PCDHA1: variants seen among roughly 807,000 people sequenced by gnomAD.
PCDHA1 encodes the protein protocadherin alpha-1.
In PCDHA1, 42 loss-of-function variants were observed where a neutral mutation model predicts 61.3. That is an observed-to-expected ratio of 0.69 (90% CI 0.54 to 0.89). The LOEUF is 0.89. PCDHA1 is among the 40% of genes least tolerant of loss of function. The pLI is 0.00. For missense variants in PCDHA1, 1,256 were observed against 1,235.3 expected (o/e 1.02, Z -0.25); for synonymous variants, 610 against 553.8 (o/e 1.10, Z -1.43).
chr5:140,824,296 G>C, intron 1 of PCDHA1: 1 of 897,790 alleles, frequency 1.1e-6, no homozygotes. Flanking sequence ...AGGCTTTTCT[G>C]CTGGGGTAAT....
In PCDHA1 at chr5:140,796,726, G is replaced by C. The variant is rs781873607; in HGVS notation, c.2394+8042G>C. On this transcript the variant is annotated intron_variant, in intron 1 of 3. Transcript: ENST00000504120. ...GCTGGTGCCGTGGTCGGTGGGTGCA[G>C]GGCACGTGGTGGCGAAGGTGCGCGC... The C allele has an allele frequency of 1.9e-6, 3 of 1,614,100 alleles. No individual in the cohort carries two copies. The South Asian group carries it at 3.3e-5, about 18-fold the overall frequency.
intron 1 of PCDHA1, chr5:140,830,029 G>A (rs2150179968): frequency 1.2e-6 from 2 of 1,613,910 alleles, no homozygotes; most frequent in Middle Eastern, 1.7e-4. Flanking sequence ...CGCGCCACCG[G>A]CTGCTGGTGC....
At chr5:140,824,083 G>GC (rs1767992835) in intron 1 of PCDHA1, 3 of 1,614,188 alleles carry the variant, frequency 1.9e-6, no homozygotes, top group Non-Finnish European at 2.5e-6. Flanking sequence ...AGACCTCATG[G>GC]CCTTCAGTCC....
chr5:140,902,786 C>G (rs1450809375), intron 1 of PCDHA1, among the ~76,000 whole-genome samples: 1 of 151,906 alleles, frequency 6.6e-6, no homozygotes, highest in Non-Finnish European at 1.5e-5. Flanking sequence ...TAGCTTAGCT[C>G]TCACTTGTAT....
intron 1 of PCDHA1, chr5:140,795,103 C>G: frequency 3.1e-6 from 5 of 1,614,036 alleles, no homozygotes; most frequent in Non-Finnish European, 4.2e-6. Flanking sequence ...CTTCGTGGGC[C>G]GCATCGCGCA....
rs1402531454 is a variant in PCDHA1 at position 141,011,521 on chromosome 5, TA to T, written c.*1586del. 1 of 153,804 alleles carries T rather than the reference TA, an allele frequency of 6.5e-6. No individual in the cohort carries two copies. The allele number at this position is 153,804 out of a possible 1,614,324, so 9.5% of individuals were successfully genotyped here. A position where few individuals can be genotyped will look rare whatever the true frequency, so the allele number is the denominator to read the frequency against. ...GTGAAAAAGTGGAGTAGTGTTTTTT[TA>T]ACCATTGTTAATCAGCTTTTGTGTA... On this transcript the variant is annotated 3_prime_UTR_variant, in exon 4 of 4. Coordinates refer to ENST00000504120, the MANE Select transcript of PCDHA1 (RefSeq NM_018900.4).
At chr5:140,880,083 A>G (rs1453702460) in intron 1 of PCDHA1, among the ~76,000 whole-genome samples, 2 of 152,242 alleles carry the variant, frequency 1.3e-5, no homozygotes, top group African/African-American at 4.8e-5. Context: ...TCAACCTATT[A>G]TAGTAGGCTT....
chr5:140,794,809 T>A, intron 1 of PCDHA1: 1 of 791,080 alleles, frequency 1.3e-6, no homozygotes, highest in Non-Finnish European at 2.0e-6. Flanking sequence ...CTGTCCACCA[T>A]AGAGTGTTCT....
chr5:140,869,126 G>T, intron 1 of PCDHA1: 2 of 1,611,852 alleles, frequency 1.2e-6, no homozygotes, highest in South Asian at 2.2e-5. Flanking sequence ...CAGAGAAGGG[G>T]ATTGGGCACC....
intron 1 of PCDHA1, chr5:140,927,058 C>T (rs376173105): frequency 1.2e-6 from 2 of 1,611,256 alleles, no homozygotes; most frequent in African/African-American, 1.3e-5. Flanking sequence ...GCGGAACTTT[C>T]GCTTCCTTTC....
intron 1 of PCDHA1, chr5:140,841,522 G>A (rs2150317350): frequency 6.2e-7 from 1 of 1,613,598 alleles, no homozygotes; most frequent in South Asian, 1.1e-5. Flanking sequence ...TCCGGGTGGC[G>A]TCCAAAAGAC....
intron 1 of PCDHA1, among the ~76,000 whole-genome samples, chr5:140,894,005 G>A (rs1365314012): frequency 6.6e-6 from 1 of 152,072 alleles, no homozygotes; most frequent in Non-Finnish European, 1.5e-5. Context: ...TGTATGGTTG[G>A]TTCAAATTAC....
rs2150195630 is a variant in PCDHA1, at chr5:140,831,520, CTTTTTT to C, written c.2394+42855_2394+42860del. Among the ~76,000 whole-genome samples, 55 of 122,392 alleles carry C rather than the reference CTTTTTT, an allele frequency of 4.5e-4. No individual in the cohort carries two copies. The Middle Eastern group carries it at 0.013, about 28-fold the overall frequency. 80.3% of individuals were successfully genotyped at this position (122,392 alleles called of 152,430 possible). On this transcript the variant is annotated intron_variant, in intron 1 of 3. Transcript: ENST00000504120. ...ACACGAGCACCACCATGCCCCCCAC[CTTTTTT>C]TTTTTTTTTTTTTTTTTTAAGAGAT...
chr5:140,835,125 A>G, intron 1 of PCDHA1: 1 of 1,331,534 alleles, frequency 7.5e-7, no homozygotes, highest in South Asian at 1.4e-5. Flanking sequence ...AACCCTGTAT[A>G]CGGTGAAATT....
chr5:140,834,827 T>C (rs1773317793), intron 1 of PCDHA1: 1 of 1,611,982 alleles, frequency 6.2e-7, no homozygotes, highest in African/African-American at 1.3e-5. Flanking sequence ...CCAGGCCGCT[T>C]GACTCTCGGT....
At chr5:140,851,590 A>T in intron 1 of PCDHA1, 1 of 918,156 alleles carries the variant, frequency 1.1e-6, no homozygotes, top group Non-Finnish European at 1.3e-6. Flanking sequence ...ATTTTTTGAA[A>T]TTCAGTTTAC....
Position 140,786,249 on chromosome 5 carries a change from T to G in PCDHA1, c.-42T>G. 6.5e-7 allele frequency: 1 copy of G among 1,527,484 alleles called. No individual in the cohort carries two copies. Among genetic ancestry groups the G allele is most frequent in the Non-Finnish European group, 8.8e-7 (1 of 1,139,514 alleles). 94.6% of individuals were successfully genotyped at this position (1,527,484 alleles called of 1,614,324 possible). On this transcript the variant is annotated 5_prime_UTR_variant, in exon 1 of 4. Coordinates refer to ENST00000504120, the MANE Select transcript of PCDHA1 (RefSeq NM_018900.4). ...AATATTAGATAAAATGGCATGATTT[T>G]GAAGTAAGAGGAGAGCATAAGAAAG...
intron 1 of PCDHA1, chr5:140,882,791 A>G (rs1554175610): frequency 6.2e-7 from 1 of 1,614,254 alleles, no homozygotes; most frequent in South Asian, 1.1e-5. Context: ...ACTGGATCCC[A>G]ACGATTATTT....
At position 140,967,211 on chromosome 5, in the gene PCDHA1, C is replaced by T. The variant is rs549238768; in HGVS notation, c.2395-11738C>T. On this transcript the variant is annotated intron_variant, in intron 1 of 3. Transcript: ENST00000504120. ...CATCAACGACAACTCACCGCGTTTC[C>T]CGCGGCCCAACTACCAGCTTCAGGT... 1.1e-5 allele frequency: 18 copies of T among 1,613,676 alleles called. No individual in the cohort carries two copies. The East Asian group carries it at 3.3e-4, about 30-fold the overall frequency.
Sources: gnomAD v4.1 joint callset for allele counts (sites outside exome capture counted in the v4.1 genomes callset) on GRCh38, gnomAD v4.1.1 for gene constraint, MANE v1.5 for transcripts, NCBI Gene and HGNC (gene_info 2026-07-23, HGNC 2026-07-21) for gene names.